Variants in RAB3IL1 observed in about 807,000 individuals in gnomAD.
RAB3IL1 encodes the protein guanine nucleotide exchange factor for Rab-3A.
RAB3IL1 carries 37 observed loss-of-function variants against 49.2 expected under a neutral mutation model. The ratio of observed to expected loss-of-function variants is 0.75; its 90% confidence interval spans 0.58 to 0.99. RAB3IL1 has a LOEUF of 0.99. Ranked by LOEUF, RAB3IL1 falls within the 50% of genes least tolerant of loss-of-function variation. The probability of loss-of-function intolerance (pLI) is 0.00; values close to 1 mark genes in which losing one functional copy is unlikely to be tolerated. For synonymous variants in RAB3IL1, 193 were observed against 213.9 expected, an observed-to-expected ratio of 0.90 and a Z score of 0.85; for missense variants, 484 against 513.0, an observed-to-expected ratio of 0.94 and a Z score of 0.55.
intron 9 of RAB3IL1, 105 bp downstream of exon 9, chr11:61,899,209 A>G: frequency 7.8e-7 from 1 of 1,278,580 alleles, no homozygotes; most frequent in East Asian, 2.5e-5. Context: ...CCAGCCTCCT[A>G]GCTGAGTCTT....
the RAB3IL1 span, among the ~76,000 whole-genome samples, chr11:61,933,908 G>A: frequency 6.6e-6 from 1 of 151,862 alleles, no homozygotes; most frequent in East Asian, 1.9e-4. Context: ...TTGCGCCACT[G>A]CACCCCAGCC....
the RAB3IL1 span, among the ~76,000 whole-genome samples, chr11:61,935,973 G>A: frequency 7.0e-6 from 1 of 143,354 alleles, no homozygotes. Context: ...AAAAAAAAAA[G>A]AAAAAAGAGA....
the RAB3IL1 span, among the ~76,000 whole-genome samples, chr11:61,929,524 T>G: frequency 7.0e-6 from 1 of 143,090 alleles, no homozygotes; most frequent in Non-Finnish European, 1.6e-5. Flanking sequence ...TTTAAAAAAA[T>G]TTAAAAAAAA....
At chr11:61,907,750 C>A in intron 2 of RAB3IL1, 90 bp from the exon 3 acceptor site, 1 of 1,204,316 alleles carries the variant, frequency 8.3e-7, no homozygotes, top group Non-Finnish European at 1.2e-6. Flanking sequence ...GTTCCATCCC[C>A]TCGTCATTTT....
upstream of RAB3IL1, among the ~76,000 whole-genome samples, chr11:61,922,833 AC>A (rs1939937189): frequency 6.6e-6 from 1 of 151,792 alleles, no homozygotes; most frequent in Non-Finnish European, 1.5e-5. Flanking sequence ...GCCTGCTCCC[AC>A]CCGCTTCCTG....
chr11:61,898,661 A>C lies in RAB3IL1; in HGVS notation c.1067-301T>G, dbSNP rs915626670. Among the ~76,000 whole-genome samples, 4 of 152,310 alleles carry C rather than the reference A, an allele frequency of 2.6e-5. No individual in the cohort carries two copies. In the East Asian group the frequency reaches 7.7e-4, roughly 29 times the overall value. ...GTCACATGCCACAGCGGTGGTCCAG[A>C]CCTGGGAACTACATTAGACAAGGCA... On this transcript the variant is annotated intron_variant, in intron 9 of 9. Coordinates refer to ENST00000394836, the MANE Select transcript of RAB3IL1 (RefSeq NM_013401.4). The surrounding 1 kb of genome is among the most constrained non-coding windows in gnomAD (Gnocchi z 5.1).
the RAB3IL1 span, among the ~76,000 whole-genome samples, chr11:61,941,797 A>T: frequency 6.6e-6 from 1 of 152,088 alleles, no homozygotes; most frequent in Non-Finnish European, 1.5e-5. Flanking sequence ...ATGAATATAG[A>T]TGCAAATATC....
chr11:61,913,367 G>A (rs1329444185), intron 1 of RAB3IL1, among the ~76,000 whole-genome samples: 1 of 152,192 alleles, frequency 6.6e-6, no homozygotes, highest in South Asian at 2.1e-4. Context: ...AGGGGAAGGG[G>A]AGCCAGAGTA....
Position 61,906,542 on chromosome 11 carries a change from C to T in RAB3IL1, c.581G>A (p.Ser194Asn). ...GPRKGHSRHK[S>N]TSSTLCPAVC... Reference sequence around the variant, plus strand: ...GGCGGGGCAGAGGGTGCTGCTGGTGCTCTTGTGGCGAGAGTGGCCCTTTCG... The same window carrying T: ...GGCGGGGCAGAGGGTGCTGCTGGTGTTCTTGTGGCGAGAGTGGCCCTTTCG... The change falls in exon 5 of 10, where the codon AGC becomes AAC. Residue 194 changes from serine to asparagine, a missense_variant. Physicochemically the swap from Ser to Asn is conservative, Grantham distance 46. Coordinates refer to ENST00000394836, the MANE Select transcript of RAB3IL1 (RefSeq NM_013401.4). The surrounding 1 kb of genome is among the most constrained non-coding windows in gnomAD (Gnocchi z 4.6). 1 of 1,574,152 alleles carries T rather than the reference C, an allele frequency of 6.4e-7. No homozygotes were observed. Among genetic ancestry groups the T allele is most frequent in the Non-Finnish European group, 8.6e-7 (1 of 1,160,518 alleles).
Position 61,898,290 on chromosome 11 carries a change from G to T in RAB3IL1, c.1137C>A (p.Pro379=). The T allele has an allele frequency of 6.2e-7, 1 of 1,613,184 alleles. No individual in the cohort carries two copies. The highest frequency in any genetic ancestry group is 8.5e-7 in the Non-Finnish European group (1 of 1,179,946). Residue 379 remains proline, a synonymous_variant, in exon 10 of 10, where the codon CCC becomes CCA. Transcript: ENST00000394836. The surrounding 1 kb of genome is among the most constrained non-coding windows in gnomAD (Gnocchi z 5.1). ...EMSLAKLGFF[P]QEA is the part of the protein sequence containing the mutation. Reference sequence around the variant, plus strand: ...CCTGGGCCGCGCCCTAAGCCTCCTGGGGGAAGAAGCCGAGCTTGGCCAGTG... The same window carrying T: ...CCTGGGCCGCGCCCTAAGCCTCCTGTGGGAAGAAGCCGAGCTTGGCCAGTG...
At chr11:61,929,774 C>T in the RAB3IL1 span, among the ~76,000 whole-genome samples, 122 of 150,638 alleles carry the variant, frequency 8.1e-4, no homozygotes, top group African/African-American at 2.9e-3. Flanking sequence ...TTAGTAGAGA[C>T]GGGGTTTCAC....
At chr11:61,903,128 C>A (rs577337758) in intron 7 of RAB3IL1, among the ~76,000 whole-genome samples, 3 of 152,226 alleles carry the variant, frequency 2.0e-5, no homozygotes, top group Non-Finnish European at 2.9e-5. Context: ...AGGCCCTGAG[C>A]AACCCCCATC....
Position 61,898,396 on chromosome 11 carries a change from G to A in RAB3IL1, c.1067-36C>T. 2 of 1,588,130 alleles carry A rather than the reference G, an allele frequency of 1.3e-6. No homozygotes were observed. Among genetic ancestry groups the A allele is most frequent in the Non-Finnish European group, 1.7e-6 (2 of 1,158,476 alleles). ...AGAGAGGGTGAACAGGTCGGGGACA[G>A]CTCAGGGTCACCTCGGGCAGATGGC... is the stretch of plus-strand genomic sequence containing the variant. On this transcript the variant is annotated intron_variant, in intron 9 of 9. Coordinates refer to ENST00000394836, the MANE Select transcript of RAB3IL1 (RefSeq NM_013401.4). This position sits in a 1 kb window ranked among gnomAD's most constrained non-coding sequence, Gnocchi z 5.1.
At chr11:61,923,574 G>C (rs552570451), upstream of RAB3IL1, among the ~76,000 whole-genome samples, 10 of 152,298 alleles carry the variant, frequency 6.6e-5, no homozygotes, top group East Asian at 1.9e-3. Context: ...CTCAGCAGAG[G>C]GGCCCTGGGT....
chr11:61,902,475 G>C lies in RAB3IL1; in HGVS notation c.966C>G (p.Ser322Arg), dbSNP rs1938966553. The stretch of plus-strand genomic sequence containing the variant: ...GGGAAGATGGCGAGATGTAGTAATG[G>C]CTTTTGGAGTCCCCGAGCCGGATTC... ...RHRIRLGDSKSHYYISPSSRA... is the reference protein window; with the variant it reads ...RHRIRLGDSKRHYYISPSSRA... The change falls in exon 8 of 10, where the codon AGC (serine) becomes AGG (arginine). Residue 322 changes from serine (S) to arginine (R), a missense_variant. Ser to Arg is a moderately radical substitution (Grantham distance 110, BLOSUM62 -1). Coordinates refer to ENST00000394836, the MANE Select transcript of RAB3IL1 (RefSeq NM_013401.4). 1 of 1,601,952 alleles carries C rather than the reference G, an allele frequency of 6.2e-7. No homozygotes were observed. The highest frequency in any genetic ancestry group is 1.3e-5 in the African/African-American group (1 of 74,912).
chr11:61,908,158 G>C lies in RAB3IL1; in HGVS notation c.160C>G (p.Pro54Ala), dbSNP rs753437568. The change falls in exon 2 of 10, where the codon CCC (proline) becomes GCC (alanine). Residue 54 changes from proline (P) to alanine (A), a missense_variant. Pro to Ala is a conservative substitution (Grantham distance 27, BLOSUM62 -1). Transcript: ENST00000394836. ...AACACGTCCAGCTGGGCGGCTGCGG[G>C]GCCCTCCTGGCCTTGGGCCTCCTCC... Reference protein sequence around the residue: ...AGEEAQGQEGPAAAQLDVLRL... With the variant: ...AGEEAQGQEGAAAAQLDVLRL... 6.4e-7 allele frequency: 1 copy of C among 1,565,002 alleles called. No individual in the cohort carries two copies. Among genetic ancestry groups the C allele is most frequent in the South Asian group, 1.2e-5 (1 of 85,908 alleles).
At chr11:61,907,081 G>A (rs1939229480) in intron 4 of RAB3IL1, among the ~76,000 whole-genome samples, 1 of 152,198 alleles carries the variant, frequency 6.6e-6, no homozygotes, top group Admixed American at 6.5e-5. Context: ...ACTGAGTGAG[G>A]TTTCTGCTTT....
rs978122191 is a variant in RAB3IL1 at position 61,899,332 on chromosome 11, C to G, written c.1048G>C (p.Gly350Arg). The change falls in exon 9 of 10, where the codon GGC (glycine) becomes CGC (arginine). Residue 350 changes from glycine (G) to arginine (R), a missense_variant. Gly to Arg is a moderately radical substitution (Grantham distance 125, BLOSUM62 -2). Transcript: ENST00000394836. ...CGCTCACCGTCCTGCCGCACCAGGC[C>G]TTGCTGGATGTAGCGGATGTAGGTG... is the stretch of plus-strand genomic sequence containing the variant. Reference protein sequence around the residue: ...FFTYIRYIQQGLVRQDAEPMF... With the variant: ...FFTYIRYIQQRLVRQDAEPMF... The G allele has an allele frequency of 1.2e-6, 2 of 1,608,120 alleles. No homozygotes were observed. The highest frequency in any genetic ancestry group is 2.7e-5 in the African/African-American group (2 of 74,932).
intron 1 of RAB3IL1, among the ~76,000 whole-genome samples, chr11:61,910,475 CAT>C (rs983529738): frequency 2.0e-4 from 30 of 152,298 alleles, no homozygotes; most frequent in Admixed American, 5.9e-4. Context: ...CTGGGGTACA[CAT>C]GAGCCCCTGA....
Sources: allele counts gnomAD v4.1 joint callset (sites outside exome capture counted in the v4.1 genomes callset), GRCh38; gene constraint gnomAD v4.1.1; non-coding constraint Gnocchi (gnomAD v3.1); transcripts MANE v1.5; gene names NCBI Gene and HGNC (gene_info 2026-07-23, HGNC 2026-07-21).